Variants in SMAD4 observed in about 807,000 individuals in gnomAD.
SMAD4 encodes SMAD family member 4, also known as MAD homolog 4.
In SMAD4, 7 loss-of-function variants were observed where a neutral mutation model predicts 63.2. The observed-to-expected ratio is 0.11, with a 90% CI of 0.06 to 0.21. SMAD4 has a LOEUF of 0.21. Among genes scored for constraint, SMAD4 ranks in the 10% least tolerant of loss-of-function variants. The probability of loss-of-function intolerance (pLI) is 1.00; values close to 1 mark genes in which losing one functional copy is unlikely to be tolerated. For missense variants in SMAD4, 312 were observed against 693.8 expected, an observed-to-expected ratio of 0.45 and a Z score of 6.18; for synonymous variants, 215 against 235.4, an observed-to-expected ratio of 0.91 and a Z score of 0.79.
chr18:51,038,703 T>C (rs1909283720), intron 1 of SMAD4, among the ~76,000 whole-genome samples: 1 of 152,242 alleles, frequency 6.6e-6, no homozygotes, highest in Admixed American at 6.5e-5. Context: ...ACAGTGTTAC[T>C]CTGATTCCTG....
chr18:51,049,550 A>G lies in SMAD4; in HGVS notation c.454+226A>G, dbSNP rs1909644698. 1.1e-5 allele frequency: 5 copies of G among 469,834 alleles called. No homozygotes were observed. The Admixed American group carries it at 1.6e-4, about 15-fold the overall frequency. The allele number at this position is 469,834 out of a possible 1,614,324, so 29.1% of individuals were successfully genotyped here. ...GTATTTGAACTGCAATTTATGAACTAAAGTACTGTAAAAAAATATGATAGA... is the reference window on the plus strand; with the variant it reads ...GTATTTGAACTGCAATTTATGAACTGAAGTACTGTAAAAAAATATGATAGA... On this transcript the variant is annotated intron_variant, in intron 4 of 11. Transcript: ENST00000342988.
At chr18:51,065,675 TATGTTTTCCC>T in intron 9 of SMAD4, 69 bp downstream of exon 9, 1 of 1,283,840 alleles carries the variant, frequency 7.8e-7, no homozygotes, top group Non-Finnish European at 1.1e-6. Context: ...TATTCAAGGT[TATGTTTTCCC>T]ATGTACATTA....
At chr18:51,076,886 T>C in intron 11 of SMAD4, 110 bp downstream of exon 11, 9 of 809,696 alleles carry the variant, frequency 1.1e-5, no homozygotes, top group Non-Finnish European at 1.7e-5. Context: ...AGTTTTTTTT[T>C]ACTGGGATGA....
chr18:51,036,633 T>C (rs1247872666), intron 1 of SMAD4, among the ~76,000 whole-genome samples: 1 of 152,246 alleles, frequency 6.6e-6, no homozygotes, highest in African/African-American at 2.4e-5. Flanking sequence ...ATAATTAGTC[T>C]TTTTAATCAG....
At chr18:51,059,694 T>G (rs928782853) in intron 7 of SMAD4, among the ~76,000 whole-genome samples, 172 bp from the exon 8 acceptor site, 13 of 152,228 alleles carry the variant, frequency 8.5e-5, no homozygotes, top group Non-Finnish European at 1.6e-4. Flanking sequence ...AAAGTATTAA[T>G]AGTTTAAGAC....
intron 5 of SMAD4, among the ~76,000 whole-genome samples, chr18:51,055,711 T>A (rs1272862446): frequency 6.6e-6 from 1 of 152,074 alleles, no homozygotes; most frequent in Non-Finnish European, 1.5e-5. Flanking sequence ...TTTTTCATTT[T>A]TTTTTTTTCA....
In SMAD4 at chr18:51,082,082, CATTTT is replaced by C; in HGVS notation, c.*3620_*3624del. ...CCTTCGTTATTGCCAACTTTACTGG[CATTTT>C]ATTTAATGATAGCAGATTGGGAAAA... On this transcript the variant is annotated 3_prime_UTR_variant, in exon 12 of 12. Transcript: ENST00000342988. The C allele has an allele frequency of 4.3e-6, 1 of 230,048 alleles. No homozygotes were observed. Among genetic ancestry groups the C allele is most frequent in the Non-Finnish European group, 8.6e-6 (1 of 116,174 alleles). 14.3% of individuals were successfully genotyped at this position (230,048 alleles called of 1,614,324 possible). A position where few individuals can be genotyped will look rare whatever the true frequency, so the allele number is the denominator to read the frequency against.
At chr18:51,069,262 G>A (rs1910253024) in intron 10 of SMAD4, among the ~76,000 whole-genome samples, 1 of 152,106 alleles carries the variant, frequency 6.6e-6, no homozygotes, top group African/African-American at 2.4e-5. Flanking sequence ...GATTACAGGT[G>A]TGTGCCACCA....
At chr18:51,040,795 C>T (rs1422239474) in intron 1 of SMAD4, among the ~76,000 whole-genome samples, 1 of 152,230 alleles carries the variant, frequency 6.6e-6, no homozygotes, top group East Asian at 1.9e-4. Flanking sequence ...GCTGTCTCTT[C>T]TTGCTAACTC....
At chr18:51,057,157 A>G (rs1011525973) in intron 5 of SMAD4, among the ~76,000 whole-genome samples, 1 of 152,166 alleles carries the variant, frequency 6.6e-6, no homozygotes, top group Non-Finnish European at 1.5e-5. Flanking sequence ...CTTTTCTTTG[A>G]TACTTTGAGC....
chr18:51,059,957 T>A lies in SMAD4; in HGVS notation c.955+41T>A, dbSNP rs949958133. On this transcript the variant is annotated intron_variant, in intron 8 of 11. Coordinates refer to ENST00000342988, the MANE Select transcript of SMAD4 (RefSeq NM_005359.6). ...AATTGATTTCCTGTATTTAGATTGATTTAGTGGTGATTGAAACGCACAAAC... is the reference window on the plus strand; with the variant it reads ...AATTGATTTCCTGTATTTAGATTGAATTAGTGGTGATTGAAACGCACAAAC... 8 of 1,485,790 alleles carry A rather than the reference T, an allele frequency of 5.4e-6. No individual in the cohort carries two copies. In the African/African-American group the frequency reaches 1.1e-4, roughly 21 times the overall value. The allele number at this position is 1,485,790 out of a possible 1,614,324, so 92.0% of individuals were successfully genotyped here. A position where few individuals can be genotyped will look rare whatever the true frequency, so the allele number is the denominator to read the frequency against.
Position 51,038,306 on chromosome 18 carries a change from C to G in SMAD4, c.-128+7683C>G, listed in dbSNP as rs972495744. On this transcript the variant is annotated intron_variant, in intron 1 of 11. Transcript: ENST00000342988. ...CAACACTGGGAAGATCTGTGTAACT[C>G]ATTGAACCAATATTTTCCCAAATGA... Among the ~76,000 whole-genome samples, 38 of 151,892 alleles carry G rather than the reference C, an allele frequency of 2.5e-4. No individual in the cohort carries two copies. The South Asian group carries it at 3.1e-3, about 13-fold the overall frequency.
intron 4 of SMAD4, chr18:51,054,235 T>C (rs1909781169): frequency 6.3e-6 from 1 of 157,930 alleles, no homozygotes; most frequent in Admixed American, 6.0e-5. Flanking sequence ...TCTAAACCTA[T>C]AGGGGACATT....
chr18:51,069,537 A>G (rs556144544), intron 10 of SMAD4, among the ~76,000 whole-genome samples: 2 of 152,108 alleles, frequency 1.3e-5, no homozygotes, highest in Admixed American at 6.5e-5. Flanking sequence ...TCTTCCTGTC[A>G]TTGCTTCACC....
intron 3 of SMAD4, 50 bp downstream of exon 3, chr18:51,048,910 C>T (rs1395606163): frequency 6.7e-7 from 1 of 1,486,416 alleles, no homozygotes; most frequent in Admixed American, 1.7e-5. Flanking sequence ...AAAAGGATCT[C>T]AATAGTGTTT....
At chr18:51,073,388 T>TATATATATATATATATATATATAC in intron 10 of SMAD4, among the ~76,000 whole-genome samples, 1 of 64,160 alleles carries the variant, frequency 1.6e-5, no homozygotes, top group East Asian at 5.6e-4. Context: ...TATATATATA[T>TATATATATATATATATATATATAC]ACACACACAC....
chr18:51,078,783 CT>C lies in SMAD4; in HGVS notation c.*320del. On this transcript the variant is annotated 3_prime_UTR_variant, in exon 12 of 12. Coordinates refer to ENST00000342988, the MANE Select transcript of SMAD4 (RefSeq NM_005359.6). ...TTAGCCCTTTAAAACGTCTTAGAGC[CT>C]TTTATCTGCAGAACATCGATATGTA... 2.9e-6 allele frequency: 1 copy of C among 349,430 alleles called. No homozygotes were observed. The highest frequency in any genetic ancestry group is 4.3e-5 in the East Asian group (1 of 23,508). 21.6% of individuals were successfully genotyped at this position (349,430 alleles called of 1,614,324 possible). A position where few individuals can be genotyped will look rare whatever the true frequency, so the allele number is the denominator to read the frequency against.
chr18:51,055,586 GA>G (rs1369482384), intron 5 of SMAD4, among the ~76,000 whole-genome samples: 1 of 152,048 alleles, frequency 6.6e-6, no homozygotes, highest in African/African-American at 2.4e-5. Context: ...ATAGGAGGGA[GA>G]GGGGCTGCTA....
chr18:51,064,829 TACA>T (rs1739097926), intron 8 of SMAD4, among the ~76,000 whole-genome samples: 1 of 152,354 alleles, frequency 6.6e-6, no homozygotes, highest in Non-Finnish European at 1.5e-5. Flanking sequence ...AATCTGTGTG[TACA>T]ACAACTGTGT....
Sources: gnomAD v4.1 joint callset for allele counts (sites outside exome capture counted in the v4.1 genomes callset) on GRCh38, gnomAD v4.1.1 for gene constraint, MANE v1.5 for transcripts, NCBI Gene and HGNC (gene_info 2026-07-23, HGNC 2026-07-21) for gene names.